LIMS1: variants seen among roughly 807,000 people sequenced by gnomAD.
LIMS1 encodes the protein LIM zinc finger domain containing 1, also known as LIM and senescent cell antigen-like-containing domain protein 1.
A neutral mutation model predicts 44.1 loss-of-function variants in LIMS1; 18 were observed. The ratio of observed to expected loss-of-function variants is 0.41; its 90% CI spans 0.28 to 0.61. LIMS1 has a LOEUF of 0.61. Ranked by LOEUF, LIMS1 falls within the 20% of genes least tolerant of loss-of-function variation. The probability of loss-of-function intolerance (pLI) is 0.32; values close to 1 mark genes in which losing one functional copy is unlikely to be tolerated. For synonymous variants in LIMS1, 93 were observed against 149.1 expected, an observed-to-expected ratio of 0.62 and a Z score of 2.74; for missense variants, 201 against 422.0, an observed-to-expected ratio of 0.48 and a Z score of 4.59.
exon 1 of LIMS1, chr2:108,534,411 T>C (rs927473691): frequency 1.4e-5 from 5 of 347,962 alleles, no homozygotes; most frequent in African/African-American, 5.2e-5. Context: ...TTCCCCCCCC[T>C]CCCGCGCCCC....
chr2:108,640,933 C>T (rs912652736), intron 1 of LIMS1, among the ~76,000 whole-genome samples: 6 of 152,122 alleles, frequency 3.9e-5, no homozygotes, highest in Non-Finnish European at 5.9e-5. Flanking sequence ...CCCTCTCTCC[C>T]CTCCCAGCCA....
At chr2:108,553,851 T>C (rs527906579) in intron 1 of LIMS1, among the ~76,000 whole-genome samples, 9 of 152,206 alleles carry the variant, frequency 5.9e-5, no homozygotes, top group African/African-American at 2.2e-4. Flanking sequence ...ATTACAGAGT[T>C]CTCTGGTGTA....
At chr2:108,594,916 T>TAA (rs146362873) in intron 1 of LIMS1, among the ~76,000 whole-genome samples, 1 of 151,260 alleles carries the variant, frequency 6.6e-6, no homozygotes, top group Non-Finnish European at 1.5e-5. Flanking sequence ...AGACTCATCC[T>TAA]AAAAAAAAAT....
intron 1 of LIMS1, among the ~76,000 whole-genome samples, chr2:108,597,524 C>T (rs1356031393): frequency 6.6e-6 from 1 of 152,108 alleles, no homozygotes; most frequent in Non-Finnish European, 1.5e-5. Context: ...AAGTTCTTTC[C>T]GGCAGGTTGC....
At chr2:108,551,752 C>T (rs187727333) in intron 1 of LIMS1, among the ~76,000 whole-genome samples, 5 of 144,078 alleles carry the variant, frequency 3.5e-5, no homozygotes. Flanking sequence ...AATATACATA[C>T]ATACCTATGT....
chr2:108,620,995 T>TAGCGACTACC (rs1425206029), intron 1 of LIMS1, among the ~76,000 whole-genome samples: 6 of 152,314 alleles, frequency 3.9e-5, no homozygotes, highest in African/African-American at 1.2e-4. Context: ...ACTGGAGCTT[T>TAGCGACTACC]TTAGCCCAAT....
chr2:108,654,620 G>C (rs1399739308), intron 1 of LIMS1, among the ~76,000 whole-genome samples: 1 of 152,134 alleles, frequency 6.6e-6, no homozygotes, highest in Non-Finnish European at 1.5e-5. Flanking sequence ...GGGAGAGCTT[G>C]TCAGGGGATG....
At chr2:108,625,552 G>A (rs1019210599) in intron 1 of LIMS1, among the ~76,000 whole-genome samples, 3 of 152,046 alleles carry the variant, frequency 2.0e-5, no homozygotes, top group Non-Finnish European at 4.4e-5. Flanking sequence ...TCAGGGCTAC[G>A]TCAGCCATTT....
intron 1 of LIMS1, among the ~76,000 whole-genome samples, chr2:108,537,849 T>C (rs909931794): frequency 3.3e-5 from 5 of 152,206 alleles, no homozygotes; most frequent in African/African-American, 1.2e-4. Context: ...AGGGGGACCT[T>C]GGAGCCCCTC....
At chr2:108,540,410 G>C (rs922205517) in intron 1 of LIMS1, among the ~76,000 whole-genome samples, 2 of 152,030 alleles carry the variant, frequency 1.3e-5, no homozygotes, top group South Asian at 4.1e-4. Flanking sequence ...GTGTTAGCCA[G>C]GATGGTCTCT....
chr2:108,552,614 T>TGTGTGTGTG (rs1558784817), intron 1 of LIMS1, among the ~76,000 whole-genome samples: 5 of 89,702 alleles, frequency 5.6e-5, no homozygotes, highest in East Asian at 1.6e-3. Flanking sequence ...GTGTGTGTGT[T>TGTGTGTGTG]TTTGGAGACA....
At chr2:108,597,388 C>T in intron 1 of LIMS1, among the ~76,000 whole-genome samples, 1 of 152,148 alleles carries the variant, frequency 6.6e-6, no homozygotes, top group East Asian at 1.9e-4. Context: ...GATTGCATTT[C>T]TGAAGACTTT....
intron 1 of LIMS1, among the ~76,000 whole-genome samples, chr2:108,625,815 C>T (rs1688539388): frequency 6.6e-6 from 1 of 152,166 alleles, no homozygotes; most frequent in Non-Finnish European, 1.5e-5. Context: ...ATAGAATAAA[C>T]CTTCCAAGCT....
chr2:108,683,907 A>G, exon 10 of LIMS1: 1 of 1,589,650 alleles, frequency 6.3e-7, no homozygotes. Flanking sequence ...GGAGTTTGAC[A>G]TGAAGCCAGT....
At chr2:108,637,103 G>A (rs909736898) in intron 1 of LIMS1, among the ~76,000 whole-genome samples, 78 of 62,946 alleles carry the variant, frequency 1.2e-3, no homozygotes, top group African/African-American at 2.9e-3. Flanking sequence ...ACATATATGT[G>A]TGTGTGTGTG....
intron 1 of LIMS1, among the ~76,000 whole-genome samples, chr2:108,566,219 G>A (rs922689419): frequency 6.6e-6 from 1 of 152,054 alleles, no homozygotes; most frequent in Non-Finnish European, 1.5e-5. Flanking sequence ...TTTCCTTTCT[G>A]CAAGTATTAA....
intron 5 of LIMS1, 75 bp from the exon 6 acceptor site, chr2:108,675,803 T>C: frequency 1.9e-6 from 3 of 1,577,816 alleles, no homozygotes; most frequent in Non-Finnish European, 2.6e-6. Flanking sequence ...AAAAACCTTC[T>C]AAAAAGTGTG....
At chr2:108,636,330 G>T (rs1365949695) in intron 1 of LIMS1, among the ~76,000 whole-genome samples, 1 of 152,238 alleles carries the variant, frequency 6.6e-6, no homozygotes, top group Non-Finnish European at 1.5e-5. Context: ...GGTGCTGCTG[G>T]CTGCATGCAC....
chr2:108,551,480 TGCGCGCGC>T (rs57736859), intron 1 of LIMS1, among the ~76,000 whole-genome samples: 1 of 117,714 alleles, frequency 8.5e-6, no homozygotes, highest in Non-Finnish European at 1.7e-5. Context: ...TATACATATA[TGCGCGCGC>T]GCGCACACAC....
Sources: gnomAD v4.1 joint callset for allele counts (sites outside exome capture counted in the v4.1 genomes callset) on GRCh38, gnomAD v4.1.1 for gene constraint, MANE v1.5 for transcripts, NCBI Gene and HGNC (gene_info 2026-07-23, HGNC 2026-07-21) for gene names.